The following ADAM10 variants were observed in gnomAD, a reference collection of about 807,000 sequenced individuals.
ADAM10 encodes the protein disintegrin and metalloproteinase domain-containing protein 10.
A neutral mutation model predicts 90.1 loss-of-function variants in ADAM10; 17 were observed. The observed-to-expected ratio is 0.19, with a 90% CI of 0.13 to 0.28. ADAM10 has a LOEUF of 0.28. Among genes scored for constraint, ADAM10 ranks in the 10% least tolerant of loss-of-function variants. The pLI is 1.00. For missense variants in ADAM10, 610 were observed against 914.3 expected, an observed-to-expected ratio of 0.67 and a Z score of 4.29; for synonymous variants, 310 against 298.6, an observed-to-expected ratio of 1.04 and a Z score of -0.40.
Position 58,671,581 on chromosome 15 carries a change from A to C in ADAM10, c.485-6384T>G, listed in dbSNP as rs531569856. Among the ~76,000 whole-genome samples, 97 of 152,282 alleles carry C rather than the reference A, an allele frequency of 6.4e-4. 2 individuals are homozygous for C. In the Middle Eastern group the frequency reaches 0.01, roughly 16 times the overall value. ...TTTTCTGTAACTCATCACTTATAAG[A>C]GTTGAGCCTTGGCCAGGCATGGTGG... On this transcript the variant is annotated intron_variant, in intron 4 of 15. Transcript: ENST00000260408.
chr15:58,688,522 C>T (rs1404332514), intron 2 of ADAM10, among the ~76,000 whole-genome samples: 1 of 150,758 alleles, frequency 6.6e-6, no homozygotes, highest in African/African-American at 2.4e-5. Context: ...ATTAGTCCCC[C>T]CCAAAAAAAG....
intron 2 of ADAM10, among the ~76,000 whole-genome samples, chr15:58,697,469 C>G: frequency 6.6e-6 from 1 of 152,260 alleles, no homozygotes; most frequent in Admixed American, 6.5e-5. Flanking sequence ...CCTCCACCAC[C>G]GTTAACATGT....
At position 58,647,794 on chromosome 15, in the gene ADAM10, C is replaced by G. The variant is rs183743582; in HGVS notation, c.586-1590G>C. On this transcript the variant is annotated intron_variant, in intron 5 of 15. Coordinates refer to ENST00000260408, the MANE Select transcript of ADAM10 (RefSeq NM_001110.4). ...TCATGAGCTCCTGGTCTCAAGTAATCCTCCTGTCTCAGCTTCCCGAAGTAC... is the reference window on the plus strand; with the variant it reads ...TCATGAGCTCCTGGTCTCAAGTAATGCTCCTGTCTCAGCTTCCCGAAGTAC... Among the ~76,000 whole-genome samples the G allele has an allele frequency of 1.1e-4, 16 of 152,254 alleles. No homozygotes were observed. The East Asian group carries it at 3.1e-3, about 29-fold the overall frequency.
At chr15:58,616,040 T>C (rs1351800831) in intron 11 of ADAM10, among the ~76,000 whole-genome samples, 3 of 151,736 alleles carry the variant, frequency 2.0e-5, no homozygotes, top group African/African-American at 7.3e-5. Context: ...ACAAAAAAGA[T>C]CACTATATAG....
At chr15:58,725,342 G>A (rs1175076302) in intron 1 of ADAM10, among the ~76,000 whole-genome samples, 2 of 149,640 alleles carry the variant, frequency 1.3e-5, no homozygotes, top group Non-Finnish European at 1.5e-5. Context: ...GATCAGCTGG[G>A]CAATATAGCA....
chr15:58,631,789 T>C (rs999606528), intron 9 of ADAM10, among the ~76,000 whole-genome samples: 1 of 152,200 alleles, frequency 6.6e-6, no homozygotes, highest in Non-Finnish European at 1.5e-5. Context: ...TCTCTGCTCA[T>C]CTCTAAAATT....
intron 14 of ADAM10, chr15:58,609,996 C>T: frequency 3.1e-6 from 1 of 321,300 alleles, no homozygotes; most frequent in Non-Finnish European, 5.7e-6. Context: ...TTTTTAAGTC[C>T]CATGAAAATG....
At chr15:58,701,497 G>A (rs1020775148) in intron 2 of ADAM10, among the ~76,000 whole-genome samples, 1 of 152,162 alleles carries the variant, frequency 6.6e-6, no homozygotes, top group Non-Finnish European at 1.5e-5. Flanking sequence ...AAATGCTGGC[G>A]AGAATGTGAA....
At chr15:58,652,590 G>C (rs1896716731) in intron 5 of ADAM10, among the ~76,000 whole-genome samples, 1 of 152,106 alleles carries the variant, frequency 6.6e-6, no homozygotes, top group Non-Finnish European at 1.5e-5. Flanking sequence ...TGTTCCATGG[G>C]TCTACGTGTC....
chr15:58,604,405 T>A (rs1183292540), intron 14 of ADAM10, among the ~76,000 whole-genome samples: 1 of 152,140 alleles, frequency 6.6e-6, no homozygotes, highest in African/African-American at 2.4e-5. Flanking sequence ...GTTATCTCCT[T>A]AAAGGCTTTT....
intron 3 of ADAM10, among the ~76,000 whole-genome samples, chr15:58,679,578 G>C (rs1275153860): frequency 1.3e-5 from 2 of 152,148 alleles, no homozygotes; most frequent in African/African-American, 4.8e-5. Context: ...GCACCTAGCT[G>C]AGTGCCTAGC....
intron 1 of ADAM10, among the ~76,000 whole-genome samples, chr15:58,722,757 G>C (rs1486181156): frequency 8.4e-6 from 1 of 118,470 alleles, no homozygotes; most frequent in Non-Finnish European, 1.7e-5. Context: ...TTTGAGACAA[G>C]GTCTGACTTT....
chr15:58,705,958 GT>G (rs1898275270), intron 2 of ADAM10, among the ~76,000 whole-genome samples: 1 of 152,160 alleles, frequency 6.6e-6, no homozygotes, highest in Non-Finnish European at 1.5e-5. Context: ...AGGTATTTAT[GT>G]AAAGGAAAAT....
chr15:58,616,621 G>C (rs948523078), intron 11 of ADAM10, among the ~76,000 whole-genome samples: 1 of 152,100 alleles, frequency 6.6e-6, no homozygotes, highest in Non-Finnish European at 1.5e-5. Context: ...AATACTATGG[G>C]ATACAGCTAA....
intron 5 of ADAM10, among the ~76,000 whole-genome samples, chr15:58,651,443 ACT>A (rs1171467814): frequency 1.3e-5 from 2 of 151,754 alleles, no homozygotes; most frequent in African/African-American, 4.8e-5. Flanking sequence ...CCATCCTTCT[ACT>A]CTCTATCTCC....
chr15:58,724,928 T>C (rs567892051), intron 1 of ADAM10, among the ~76,000 whole-genome samples: 60 of 152,182 alleles, frequency 3.9e-4, no homozygotes, highest in African/African-American at 1.4e-3. Context: ...CGGTGGTTCA[T>C]ACCTATAATC....
At position 58,678,543 on chromosome 15, in the gene ADAM10, G is replaced by A. The variant is rs567272237; in HGVS notation, c.484+581C>T. ...AATAACTGGATAACTGTGGATATACGGACAATAGAATTAAAAGGTAAAGTC... is the reference window on the plus strand; with the variant it reads ...AATAACTGGATAACTGTGGATATACAGACAATAGAATTAAAAGGTAAAGTC... On this transcript the variant is annotated intron_variant, in intron 4 of 15. Coordinates refer to ENST00000260408, the MANE Select transcript of ADAM10 (RefSeq NM_001110.4). 3.3e-5 allele frequency among the ~76,000 whole-genome samples: 5 copies of A among 151,998 alleles called. No individual in the cohort carries two copies. In the South Asian group the frequency reaches 1.0e-3, roughly 32 times the overall value.
chr15:58,639,533 T>G (rs146857830), intron 8 of ADAM10, among the ~76,000 whole-genome samples: 3 of 152,120 alleles, frequency 2.0e-5, no homozygotes, highest in African/African-American at 7.2e-5. Context: ...TGAAAAATCA[T>G]AGGAAAGAGT....
intron 1 of ADAM10, among the ~76,000 whole-genome samples, chr15:58,743,179 G>C (rs1456932975): frequency 6.6e-6 from 1 of 152,116 alleles, no homozygotes; most frequent in Non-Finnish European, 1.5e-5. Flanking sequence ...GCCTGCCCCT[G>C]TGATTTTGGG....
Sources: gnomAD v4.1 joint callset for allele counts (sites outside exome capture counted in the v4.1 genomes callset) on GRCh38, gnomAD v4.1.1 for gene constraint, MANE v1.5 for transcripts, NCBI Gene and HGNC (gene_info 2026-07-23, HGNC 2026-07-21) for gene names.